Variants in NFIA observed in about 807,000 individuals in gnomAD.
NFIA encodes nuclear factor 1 A-type.
In NFIA, 8 loss-of-function variants were observed where a neutral mutation model predicts 62.8. The observed-to-expected ratio is 0.13, with a 90% CI of 0.07 to 0.23. NFIA has a LOEUF of 0.23. Ranked by LOEUF, NFIA falls within the 10% of genes least tolerant of loss-of-function variation. The probability of loss-of-function intolerance (pLI) is 1.00; values close to 1 mark genes in which losing one functional copy is unlikely to be tolerated. For synonymous variants in NFIA, 235 were observed against 238.1 expected (o/e 0.99, Z 0.12); for missense variants, 410 against 642.1 (o/e 0.64, Z 3.91).
At chr1:61,089,522 T>C (rs538231826) in intron 2 of NFIA, among the ~76,000 whole-genome samples, 1 of 152,138 alleles carries the variant, frequency 6.6e-6, no homozygotes, top group Admixed American at 6.5e-5. Context: ...GACAAAAGGC[T>C]CATTGTGCTA....
At chr1:61,118,829 C>T (rs1646838365) in intron 2 of NFIA, among the ~76,000 whole-genome samples, 1 of 151,930 alleles carries the variant, frequency 6.6e-6, no homozygotes, top group Non-Finnish European at 1.5e-5. Flanking sequence ...GTGGTAAAGG[C>T]AGCATTTGAA....
At chr1:61,352,338 G>T (rs564943423) in intron 4 of NFIA, 112 bp from the exon 5 acceptor site, 11 of 708,666 alleles carry the variant, frequency 1.6e-5, no homozygotes, top group Non-Finnish European at 2.4e-5. Flanking sequence ...TTTTCGATTC[G>T]CTTACATATA....
At chr1:61,231,986 T>TA (rs1654705402) in intron 2 of NFIA, among the ~76,000 whole-genome samples, 1 of 152,224 alleles carries the variant, frequency 6.6e-6, no homozygotes, top group Non-Finnish European at 1.5e-5. Context: ...ACTACTATCA[T>TA]TACCCAGCTG....
At chr1:61,113,744 G>A (rs1365001726) in intron 2 of NFIA, among the ~76,000 whole-genome samples, 1 of 56,714 alleles carries the variant, frequency 1.8e-5, no homozygotes, top group Non-Finnish European at 3.7e-5. Context: ...ATGAGCAGAG[G>A]CCATGGTGGA....
intron 2 of NFIA, among the ~76,000 whole-genome samples, chr1:61,123,330 C>G (rs983991369): frequency 2.0e-5 from 3 of 152,146 alleles, no homozygotes; most frequent in Non-Finnish European, 2.9e-5. Context: ...AGAGAGAGAC[C>G]TACACTGTGA....
chr1:61,312,513 C>CTT (rs992598387), intron 3 of NFIA, among the ~76,000 whole-genome samples: 1 of 143,368 alleles, frequency 7.0e-6, no homozygotes. Context: ...CAAATTAAGA[C>CTT]TTTTTTTTTT....
At chr1:61,098,864 A>C (rs1030533907) in intron 2 of NFIA, among the ~76,000 whole-genome samples, 3 of 152,228 alleles carry the variant, frequency 2.0e-5, no homozygotes, top group African/African-American at 4.8e-5. Context: ...ATTAACAAAA[A>C]AGTGCCATCT....
At chr1:61,319,079 A>C (rs1398929859) in intron 3 of NFIA, among the ~76,000 whole-genome samples, 8 of 152,156 alleles carry the variant, frequency 5.3e-5, no homozygotes, top group African/African-American at 1.9e-4. Context: ...CTGAGAGTGC[A>C]TCTGTGTCAG....
chr1:61,108,994 C>T (rs1002648638), intron 2 of NFIA, among the ~76,000 whole-genome samples: 1 of 151,780 alleles, frequency 6.6e-6, no homozygotes, highest in Non-Finnish European at 1.5e-5. Context: ...TACCATATTT[C>T]ATACTGATGA....
intron 3 of NFIA, among the ~76,000 whole-genome samples, chr1:61,304,465 G>A (rs1430913867): frequency 6.6e-6 from 1 of 152,166 alleles, no homozygotes; most frequent in Non-Finnish European, 1.5e-5. Flanking sequence ...AGAGCTGCTT[G>A]CCCACAACTT....
chr1:61,330,137 C>T (rs555278196), intron 3 of NFIA, among the ~76,000 whole-genome samples: 21 of 151,984 alleles, frequency 1.4e-4, no homozygotes, highest in African/African-American at 2.2e-4. Flanking sequence ...TTCGGCTTTG[C>T]GCATGTTGGT....
At chr1:61,387,542 C>T (rs1024632588) in intron 7 of NFIA, among the ~76,000 whole-genome samples, 35 of 150,468 alleles carry the variant, frequency 2.3e-4, no homozygotes, top group African/African-American at 8.6e-4. Flanking sequence ...TCCTCTCCTC[C>T]ACCCAGCTTG....
intron 4 of NFIA, among the ~76,000 whole-genome samples, chr1:61,346,589 G>A (rs1041429342): frequency 5.9e-5 from 9 of 152,146 alleles, no homozygotes; most frequent in African/African-American, 1.7e-4. Context: ...CCTGGAGGAG[G>A]TGTCAAATTT....
At chr1:61,224,733 C>T (rs1654222290) in intron 2 of NFIA, among the ~76,000 whole-genome samples, 1 of 152,156 alleles carries the variant, frequency 6.6e-6, no homozygotes, top group African/African-American at 2.4e-5. Context: ...CTCATCTATC[C>T]AGTCCATTGC....
At chr1:61,235,463 A>AAGAGCGAGACTCCATCTCAAAAT (rs1654937791) in intron 2 of NFIA, among the ~76,000 whole-genome samples, 1 of 121,528 alleles carries the variant, frequency 8.2e-6, no homozygotes, top group East Asian at 2.3e-4. Flanking sequence ...ACTCCATCTC[A>AAGAGCGAGACTCCATCTCAAAAT]AAATAAATAA....
At chr1:61,306,146 A>G (rs546738361) in intron 3 of NFIA, among the ~76,000 whole-genome samples, 14 of 151,370 alleles carry the variant, frequency 9.2e-5, no homozygotes, top group South Asian at 4.2e-4. Flanking sequence ...CACCGCACCC[A>G]GCCTTCTTTT....
At chr1:61,214,330 TAA>T (rs113720793) in intron 2 of NFIA, among the ~76,000 whole-genome samples, 1 of 143,718 alleles carries the variant, frequency 7.0e-6, no homozygotes, top group East Asian at 2.0e-4. Flanking sequence ...GTCCTTGCAA[TAA>T]AAAAAAAAAA....
chr1:61,375,408 C>T (rs571699403), intron 6 of NFIA, among the ~76,000 whole-genome samples: 40 of 152,248 alleles, frequency 2.6e-4, no homozygotes, highest in African/African-American at 9.6e-4. Flanking sequence ...AAAAAAGAGT[C>T]ACAAAGCAGT....
rs550585586 is a variant in NFIA, at chr1:61,258,930, AG to A, written c.560-18588del. 3.6e-4 allele frequency among the ~76,000 whole-genome samples: 55 copies of A among 152,078 alleles called. No individual in the cohort carries two copies. The South Asian group carries it at 0.011, about 30-fold the overall frequency. On this transcript the variant is annotated intron_variant, in intron 2 of 10. Transcript: ENST00000403491. ...GAGACGGGGTTTTGCCACATTGCCC[AG>A]GCTGGTCTCGAACTCCTGAGCTCAA...
Sources: allele counts gnomAD v4.1 joint callset (sites outside exome capture counted in the v4.1 genomes callset), GRCh38; gene constraint gnomAD v4.1.1; transcripts MANE v1.5; gene names NCBI Gene and HGNC (gene_info 2026-07-23, HGNC 2026-07-21).